The following DNAAF9 variants were observed in gnomAD, a reference collection of about 807,000 sequenced individuals.
DNAAF9 encodes dynein axonemal assembly factor 9.
DNAAF9 carries 90 observed loss-of-function variants against 167.0 expected under a neutral mutation model. That is an observed-to-expected ratio of 0.54 (90% CI 0.45 to 0.64). The LOEUF (loss-of-function observed/expected upper bound fraction) is 0.64. DNAAF9 is among the 30% of genes least tolerant of loss of function. The probability of loss-of-function intolerance (pLI) is 0.00; values close to 1 mark genes in which losing one functional copy is unlikely to be tolerated. For synonymous variants in DNAAF9, 491 were observed against 508.8 expected (o/e 0.96, Z 0.47); for missense variants, 1,315 against 1,442.2 (o/e 0.91, Z 1.43).
At chr20:3,336,258 G>GTTTTTTTTTT (rs367718705) in intron 10 of DNAAF9, among the ~76,000 whole-genome samples, 34 of 113,498 alleles carry the variant, frequency 3.0e-4, no homozygotes, top group Non-Finnish European at 3.8e-4. Flanking sequence ...TTGCGTTTTT[G>GTTTTTTTTTT]TTTTTTTTTT....
intron 6 of DNAAF9, chr20:3,362,184 T>A (rs2083372972): frequency 7.0e-7 from 1 of 1,432,312 alleles, no homozygotes; most frequent in Admixed American, 1.7e-5. Context: ...TCCCTGTCCA[T>A]CTTGTAAGTG....
intron 3 of DNAAF9, among the ~76,000 whole-genome samples, chr20:3,380,503 C>T (rs747149489): frequency 3.3e-5 from 5 of 152,204 alleles, no homozygotes; most frequent in Admixed American, 2.0e-4. Flanking sequence ...TGTTTAGCAT[C>T]ATCTCTGGCC....
At chr20:3,318,965 C>A (rs1432952137) in intron 16 of DNAAF9, among the ~76,000 whole-genome samples, 1 of 151,392 alleles carries the variant, frequency 6.6e-6, no homozygotes, top group East Asian at 1.9e-4. Flanking sequence ...TGCCTGTAAT[C>A]CCAGCTACTT....
intron 1 of DNAAF9, among the ~76,000 whole-genome samples, chr20:3,395,808 T>C (rs2083899341): frequency 6.6e-6 from 1 of 152,176 alleles, no homozygotes; most frequent in Non-Finnish European, 1.5e-5. Flanking sequence ...GGTTGATTCC[T>C]AGGTATTTTG....
At chr20:3,310,337 G>GAAAGAAAGAAAGAA (rs2069385742) in intron 20 of DNAAF9, among the ~76,000 whole-genome samples, 1 of 128,832 alleles carries the variant, frequency 7.8e-6, no homozygotes, top group East Asian at 2.4e-4. Context: ...GAAAGAAAAA[G>GAAAGAAAGAAAGAA]AAAGAAAGAA....
intron 31 of DNAAF9, 82 bp downstream of exon 31, chr20:3,264,356 T>G (rs1482672524): frequency 4.3e-5 from 32 of 749,946 alleles, no homozygotes; most frequent in Non-Finnish European, 4.4e-5. Context: ...ATTTTCACCT[T>G]CTCTCTTTTT....
intron 24 of DNAAF9, 124 bp from the exon 25 acceptor site, chr20:3,294,380 A>G (rs2069025049): frequency 3.6e-6 from 3 of 826,910 alleles, no homozygotes; most frequent in Non-Finnish European, 6.0e-6. Context: ...TCTCTAGAGA[A>G]TAAAATTGTG....
chr20:3,263,455 C>T (rs2068430397), intron 31 of DNAAF9, among the ~76,000 whole-genome samples: 1 of 152,158 alleles, frequency 6.6e-6, no homozygotes, highest in Non-Finnish European at 1.5e-5. Context: ...AACAAATTGT[C>T]CATGCTATAC....
intron 26 of DNAAF9, among the ~76,000 whole-genome samples, chr20:3,288,116 C>A (rs1321047651): frequency 6.6e-6 from 1 of 152,234 alleles, no homozygotes; most frequent in Non-Finnish European, 1.5e-5. Flanking sequence ...AAGGACCATG[C>A]AAAAGATGGC....
In DNAAF9 at chr20:3,250,753, A is replaced by G. The variant is rs1295453869; in HGVS notation, c.*1819T>C. On this transcript the variant is annotated 3_prime_UTR_variant, in exon 37 of 37. Transcript: ENST00000252032. The stretch of plus-strand genomic sequence containing the variant: ...GGAAATGGCTCAAGCTCCTAAAGCT[A>G]GAGCTTTCATTTAAAACTTCACAGC... 6.6e-6 allele frequency: 1 copy of G among 152,254 alleles called. No individual in the cohort carries two copies. Among genetic ancestry groups the G allele is most frequent in the Non-Finnish European group, 1.5e-5 (1 of 68,054 alleles). 9.4% of individuals were successfully genotyped at this position (152,254 alleles called of 1,614,324 possible). A position where few individuals can be genotyped will look rare whatever the true frequency, so the allele number is the denominator to read the frequency against.
intron 10 of DNAAF9, among the ~76,000 whole-genome samples, chr20:3,334,443 T>A (rs772750105): frequency 3.1e-4 from 47 of 152,254 alleles, no homozygotes; most frequent in Non-Finnish European, 5.7e-4. Flanking sequence ...TTTCTTTTTA[T>A]CCCTAAATAG....
chr20:3,296,879 G>T lies in DNAAF9; in HGVS notation c.2000C>A (p.Ser667Tyr). The T allele has an allele frequency of 6.2e-7, 1 of 1,608,358 alleles. No individual in the cohort carries two copies. The highest frequency in any genetic ancestry group is 8.5e-7 in the Non-Finnish European group (1 of 1,174,858). Residue 667 changes from serine to tyrosine, a missense_variant, in exon 23 of 37, where the codon TCT (serine) becomes TAT (tyrosine). Physicochemically the swap from Ser to Tyr is moderately radical, Grantham distance 144. Around this residue, in one of 2 missense-constraint regions of DNAAF9, gnomAD observed 981 missense variants for 1,012.5 expected, o/e 0.97. Transcript: ENST00000252032. ...SLKVIQEDGL[S>Y]VEQKRLHSSA... The stretch of plus-strand genomic sequence containing the variant: ...CACTTACAATCTCTTTTGTTCCACA[G>T]ATAATCCATCTTCCTGGATCACTTT...
intron 30 of DNAAF9, among the ~76,000 whole-genome samples, chr20:3,269,789 C>G (rs2068559016): frequency 6.6e-6 from 1 of 151,914 alleles, no homozygotes. Context: ...CCCGTCTCTA[C>G]TAAAAATACA....
At chr20:3,260,808 TG>T (rs1210117279) in intron 31 of DNAAF9, among the ~76,000 whole-genome samples, 1 of 152,200 alleles carries the variant, frequency 6.6e-6, no homozygotes, top group Non-Finnish European at 1.5e-5. Flanking sequence ...ATTTTTGTAT[TG>T]TTTGTAGAGA....
intron 16 of DNAAF9, among the ~76,000 whole-genome samples, chr20:3,320,267 T>C (rs2069590683): frequency 6.6e-6 from 1 of 152,178 alleles, no homozygotes; most frequent in South Asian, 2.1e-4. Context: ...TTTCTTAATT[T>C]GTGTAGTACA....
At position 3,260,040 on chromosome 20, in the gene DNAAF9, T is replaced by TA. The variant is rs1468800086; in HGVS notation, c.2874-13dup. ...ATTTACCTTCATACCTTAAAAGGTTTAAAAAATTTTAAGTACAGGCCGGGC... is the reference window on the plus strand; with the variant it reads ...ATTTACCTTCATACCTTAAAAGGTTTAAAAAAATTTTAAGTACAGGCCGGGC... On this transcript the variant is annotated splice_polypyrimidine_tract_variant and intron_variant, in intron 31 of 36. Transcript: ENST00000252032. 1.3e-6 allele frequency: 2 copies of TA among 1,529,090 alleles called. No homozygotes were observed. The highest frequency in any genetic ancestry group is 2.3e-5 in the East Asian group (1 of 44,440). The allele number at this position is 1,529,090 out of a possible 1,614,324, so 94.7% of individuals were successfully genotyped here. A position where few individuals can be genotyped will look rare whatever the true frequency, so the allele number is the denominator to read the frequency against.
At chr20:3,275,800 G>A (rs1481936024) in intron 29 of DNAAF9, among the ~76,000 whole-genome samples, 8 of 152,192 alleles carry the variant, frequency 5.3e-5, no homozygotes, top group African/African-American at 1.2e-4. Context: ...GGCTGTGAGC[G>A]AGCAGACAGC....
At position 3,289,486 on chromosome 20, in the gene DNAAF9, C is replaced by T. The variant is rs1055230397; in HGVS notation, c.2327+643G>A. On this transcript the variant is annotated intron_variant, in intron 26 of 36. Coordinates refer to ENST00000252032, the MANE Select transcript of DNAAF9 (RefSeq NM_001009984.3). Reference sequence around the variant, plus strand: ...AACTGAAACCCCACTCCCAGCCCTGCACTTCCTATAACCTTCCCTGCTTTA... The same window carrying T: ...AACTGAAACCCCACTCCCAGCCCTGTACTTCCTATAACCTTCCCTGCTTTA... Among the ~76,000 whole-genome samples the T allele has an allele frequency of 6.6e-5, 10 of 152,060 alleles. No individual in the cohort carries two copies. The East Asian group carries it at 1.9e-3, about 29-fold the overall frequency.
At chr20:3,264,186 G>A (rs1396958207) in intron 31 of DNAAF9, among the ~76,000 whole-genome samples, 1 of 152,216 alleles carries the variant, frequency 6.6e-6, no homozygotes, top group Non-Finnish European at 1.5e-5. Flanking sequence ...GCACAGCGGT[G>A]CTTGCTGCCT....
Sources: gnomAD v4.1 joint callset for allele counts (sites outside exome capture counted in the v4.1 genomes callset) on GRCh38, gnomAD v4.1.1 for gene constraint, gnomAD v4.1.1 regional missense constraint, MANE v1.5 for transcripts, NCBI Gene and HGNC (gene_info 2026-07-23, HGNC 2026-07-21) for gene names.